KBTBD7: variants seen among roughly 807,000 people sequenced by gnomAD.
KBTBD7 encodes the protein kelch repeat and BTB domain-containing protein 7.
A neutral mutation model predicts 50.3 loss-of-function variants in KBTBD7; 25 were observed. That is an observed-to-expected ratio of 0.50 (90% CI 0.36 to 0.69). The LOEUF is 0.69. Ranked by LOEUF, KBTBD7 falls within the 30% of genes least tolerant of loss-of-function variation. The pLI, the probability that KBTBD7 is intolerant of heterozygous loss-of-function variation, is 0.00. For missense variants in KBTBD7, 653 were observed against 869.5 expected (o/e 0.75, Z 3.13); for synonymous variants, 305 against 325.3 (o/e 0.94, Z 0.67).
chr13:41,191,809 G>A lies in KBTBD7; in HGVS notation c.*394C>T, dbSNP rs73176992. 9 of 157,394 alleles carry A rather than the reference G, an allele frequency of 5.7e-5. No homozygotes were observed. Among genetic ancestry groups the A allele is most frequent in the Non-Finnish European group, 1.3e-4 (9 of 71,888 alleles). 9.7% of individuals were successfully genotyped at this position (157,394 alleles called of 1,614,324 possible). The stretch of plus-strand genomic sequence containing the variant: ...AACCCCGCTAACAATTCCTAGTTCA[G>A]TTTTCTATTATACAAATCAAAAAGT... On this transcript the variant is annotated 3_prime_UTR_variant, in exon 1 of 1. Coordinates refer to ENST00000379483, the MANE Select transcript of KBTBD7 (RefSeq NM_032138.7).
At position 41,194,400 on chromosome 13, in the gene KBTBD7, T is replaced by G; in HGVS notation, c.-143A>C. The G allele has an allele frequency of 8.9e-7, 1 of 1,125,820 alleles. No homozygotes were observed. Among genetic ancestry groups the G allele is most frequent in the Non-Finnish European group, 1.2e-6 (1 of 800,856 alleles). 69.7% of individuals were successfully genotyped at this position (1,125,820 alleles called of 1,614,324 possible). ...CGGGCCGCACTTCTGAATTCAGCCC[T>G]ATCCCGCGGTGAGGCCTCCCTTTAT... On this transcript the variant is annotated 5_prime_UTR_variant, in exon 1 of 1. Coordinates refer to ENST00000379483, the MANE Select transcript of KBTBD7 (RefSeq NM_032138.7).
rs1378508418 is a variant in KBTBD7, at chr13:41,191,845, G to A, written c.*358C>T. 5 of 171,648 alleles carry A rather than the reference G, an allele frequency of 2.9e-5. No homozygotes were observed. The highest frequency in any genetic ancestry group is 1.2e-4 in the African/African-American group (5 of 41,992). The allele number at this position is 171,648 out of a possible 1,614,324, so 10.6% of individuals were successfully genotyped here. A position where few individuals can be genotyped will look rare whatever the true frequency, so the allele number is the denominator to read the frequency against. ...TACAAATCAAAAAGTTAAATTCCTT[G>A]TGGCACTAACCAAAACTTAAAAATT... On this transcript the variant is annotated 3_prime_UTR_variant, in exon 1 of 1. Transcript: ENST00000379483.
At position 41,189,904 on chromosome 13, in the gene KBTBD7, A is replaced by G. The variant is rs1407383242; in HGVS notation, c.*2299T>C. The G allele has an allele frequency of 1.3e-5, 2 of 152,212 alleles. No individual in the cohort carries two copies. The highest frequency in any genetic ancestry group is 2.9e-5 in the Non-Finnish European group (2 of 68,016). 9.4% of individuals were successfully genotyped at this position (152,212 alleles called of 1,614,324 possible). A position where few individuals can be genotyped will look rare whatever the true frequency, so the allele number is the denominator to read the frequency against. ...ACTTATCTATAAAATAATGGTTAAC[A>G]TCTACTCCTTAATTCACAAATAGAT... On this transcript the variant is annotated 3_prime_UTR_variant, in exon 1 of 1. Coordinates refer to ENST00000379483, the MANE Select transcript of KBTBD7 (RefSeq NM_032138.7).
chr13:41,194,524 C>T lies in KBTBD7; in HGVS notation c.-267G>A, dbSNP rs2031484569. On this transcript the variant is annotated 5_prime_UTR_variant, in exon 1 of 1. Coordinates refer to ENST00000379483, the MANE Select transcript of KBTBD7 (RefSeq NM_032138.7). ...CCGCTGGCTTGCAGCCGCGGAAGCC[C>T]CCACTGCCGCGCTGGCGATCCCGCT... 1 of 536,418 alleles carries T rather than the reference C, an allele frequency of 1.9e-6. No homozygotes were observed. The highest frequency in any genetic ancestry group is 3.3e-5 in the Admixed American group (1 of 30,138). The allele number at this position is 536,418 out of a possible 1,614,324, so 33.2% of individuals were successfully genotyped here.
chr13:41,193,966 T>A lies in KBTBD7; in HGVS notation c.292A>T (p.Ser98Cys). 2.5e-6 allele frequency: 4 copies of A among 1,613,912 alleles called. No homozygotes were observed. Among genetic ancestry groups the A allele is most frequent in the Non-Finnish European group, 1.7e-6 (2 of 1,179,940 alleles). The change falls in exon 1 of 1, where the codon AGC (serine) becomes TGC (cysteine). Residue 98 changes from serine to cysteine, a missense_variant. Ser to Cys is a moderately radical substitution (Grantham distance 112). Coordinates refer to ENST00000379483, the MANE Select transcript of KBTBD7 (RefSeq NM_032138.7). The surrounding 1 kb of genome is among the most constrained non-coding windows in gnomAD (Gnocchi z 5.7). ...VLAAACPYFK[S>C]MFTGGMYESQ... ...TCGTACATGCCACCTGTGAACATGC[T>A]CTTGAAGTAGGGACACGCAGCTGCT...
chr13:41,193,997 G>A lies in KBTBD7; in HGVS notation c.261C>T (p.Asn87=), dbSNP rs752253001. 2.0e-5 allele frequency: 33 copies of A among 1,614,102 alleles called. No homozygotes were observed. The highest frequency in any genetic ancestry group is 3.3e-5 in the South Asian group (3 of 91,088). Residue 87 remains asparagine (N), a synonymous_variant, in exon 1 of 1, where the codon AAC becomes AAT. Coordinates refer to ENST00000379483, the MANE Select transcript of KBTBD7 (RefSeq NM_032138.7). The surrounding 1 kb of genome is among the most constrained non-coding windows in gnomAD (Gnocchi z 5.7). ...AGTAGGGACACGCAGCTGCTAGCACGTTGCGATTGCAGGAAAAGAGGCGAC... is the reference window on the plus strand; with the variant it reads ...AGTAGGGACACGCAGCTGCTAGCACATTGCGATTGCAGGAAAAGAGGCGAC... ...GTGRLFSCNR[N]VLAAACPYFK...
Position 41,192,962 on chromosome 13 carries a change from A to G in KBTBD7, c.1296T>C (p.Tyr432=). The part of the protein sequence containing the change: ...LLCREGMDVA[Y]LNGYIYILGG... ...CCAAAATGTAGATGTAGCCATTGAGATATGCCACATCCATGCCCTCACGAC... is the reference window on the plus strand; with the variant it reads ...CCAAAATGTAGATGTAGCCATTGAGGTATGCCACATCCATGCCCTCACGAC... The change falls in exon 1 of 1, where the codon TAT becomes TAC. Residue 432 remains tyrosine (Y), a synonymous_variant. Transcript: ENST00000379483. 2 of 1,614,138 alleles carry G rather than the reference A, an allele frequency of 1.2e-6. No individual in the cohort carries two copies. Among genetic ancestry groups the G allele is most frequent in the Non-Finnish European group, 1.7e-6 (2 of 1,180,050 alleles).
Position 41,194,436 on chromosome 13 carries a change from G to A in KBTBD7, c.-179C>T. On this transcript the variant is annotated 5_prime_UTR_variant, in exon 1 of 1. Coordinates refer to ENST00000379483, the MANE Select transcript of KBTBD7 (RefSeq NM_032138.7). ...GAGGCCTCCCTTTATTGCATAGACA[G>A]TGGCTGACTCACCCTCTCTCACTCC... The A allele has an allele frequency of 1.3e-6, 1 of 778,908 alleles. No individual in the cohort carries two copies. Among genetic ancestry groups the A allele is most frequent in the Non-Finnish European group, 2.0e-6 (1 of 489,240 alleles). 48.2% of individuals were successfully genotyped at this position (778,908 alleles called of 1,614,324 possible).
rs1410165361 is a variant in KBTBD7, at chr13:41,190,505, A to C, written c.*1698T>G. 1 of 152,178 alleles carries C rather than the reference A, an allele frequency of 6.6e-6. No individual in the cohort carries two copies. 9.4% of individuals were successfully genotyped at this position (152,178 alleles called of 1,614,324 possible). On this transcript the variant is annotated 3_prime_UTR_variant, in exon 1 of 1. Coordinates refer to ENST00000379483, the MANE Select transcript of KBTBD7 (RefSeq NM_032138.7). ...CTCCTCTGTCCTCTGCCAGGGTATA[A>C]GAAAAGTTAGCATTCTGTCACTATA...
rs2031454712 is a variant in KBTBD7 at position 41,193,693 on chromosome 13, G to A, written c.565C>T (p.Arg189Ter). The A allele has an allele frequency of 6.2e-7, 1 of 1,614,208 alleles. No individual in the cohort carries two copies. Among genetic ancestry groups the A allele is most frequent in the Non-Finnish European group, 8.5e-7 (1 of 1,180,036 alleles). Residue 189 changes from arginine to a stop codon, truncating the protein, a stop_gained, in exon 1 of 1, where the codon CGA (arginine) becomes TGA (stop). Coordinates refer to ENST00000379483, the MANE Select transcript of KBTBD7 (RefSeq NM_032138.7). LOFTEE classifies it high-confidence loss of function. The surrounding 1 kb of genome is among the most constrained non-coding windows in gnomAD (Gnocchi z 5.7). ...GCTATGTAGGACTGGGCCTGAGATCGAAGCTTGTGATGGTCGAAGGCGTCT... is the reference window on the plus strand; with the variant it reads ...GCTATGTAGGACTGGGCCTGAGATCAAAGCTTGTGATGGTCGAAGGCGTCT... ...FADAFDHHKLRSQAQSYIAHN... is the reference protein window; with the variant it reads ...FADAFDHHKL
rs2031452442 is a variant in KBTBD7, at chr13:41,193,622, C to T, written c.636G>A (p.Glu212=). ...QLSRMGSIRE[E]TLADLTLAQL... ...GGGCCAGGGTTAGATCTGCTAGAGT[C>T]TCCTCCCGAATTGAACCCATTCGGC... Residue 212 remains glutamate, a synonymous_variant, in exon 1 of 1, where the codon GAG becomes GAA. Transcript: ENST00000379483. This position sits in a 1 kb window ranked among gnomAD's most constrained non-coding sequence, Gnocchi z 5.7. The T allele has an allele frequency of 6.2e-7, 1 of 1,614,200 alleles. No individual in the cohort carries two copies. Among genetic ancestry groups the T allele is most frequent in the African/African-American group, 1.3e-5 (1 of 75,048 alleles).
In KBTBD7 at chr13:41,190,305, T is replaced by C. The variant is rs573862776; in HGVS notation, c.*1898A>G. 5.9e-5 allele frequency: 9 copies of C among 152,326 alleles called. No individual in the cohort carries two copies. Among genetic ancestry groups the C allele is most frequent in the African/African-American group, 9.6e-5 (4 of 41,588 alleles). The allele number at this position is 152,326 out of a possible 1,614,324, so 9.4% of individuals were successfully genotyped here. A position where few individuals can be genotyped will look rare whatever the true frequency, so the allele number is the denominator to read the frequency against. ...GCATGTTTACCCTTTTGAAGAAACA[T>C]GTATTGCTAGGTCAGCCATCCTACT... On this transcript the variant is annotated 3_prime_UTR_variant, in exon 1 of 1. Transcript: ENST00000379483.
chr13:41,192,688 C>G lies in KBTBD7; in HGVS notation c.1570G>C (p.Glu524Gln). 6.2e-7 allele frequency: 1 copy of G among 1,614,168 alleles called. No homozygotes were observed. The highest frequency in any genetic ancestry group is 2.2e-5 in the East Asian group (1 of 44,882). ...DFQEACVFND[E>Q]IYCICDIPVM... Reference sequence around the variant, plus strand: ...GGGATGTCACAGATACAATAGATTTCATCATTGAAGACACATGCTTCCTGA... The same window carrying G: ...GGGATGTCACAGATACAATAGATTTGATCATTGAAGACACATGCTTCCTGA... Residue 524 changes from glutamate to glutamine, a missense_variant, in exon 1 of 1, where the codon GAA becomes CAA. Physicochemically the swap from Glu to Gln is conservative, Grantham distance 29 (BLOSUM62 2). Coordinates refer to ENST00000379483, the MANE Select transcript of KBTBD7 (RefSeq NM_032138.7).
At position 41,193,654 on chromosome 13, in the gene KBTBD7, G is replaced by C; in HGVS notation, c.604C>G (p.Gln202Glu). The change falls in exon 1 of 1, where the codon CAG (glutamine) becomes GAG (glutamate). Residue 202 changes from glutamine to glutamate, a missense_variant. Coordinates refer to ENST00000379483, the MANE Select transcript of KBTBD7 (RefSeq NM_032138.7). The surrounding 1 kb of genome is among the most constrained non-coding windows in gnomAD (Gnocchi z 5.7). ...AQSYIAHNFK[Q>E]LSRMGSIREE... ...CGAATTGAACCCATTCGGCTGAGCT[G>C]CTTGAAGTTGTGAGCTATGTAGGAC... 1 of 1,614,204 alleles carries C rather than the reference G, an allele frequency of 6.2e-7. No individual in the cohort carries two copies. The highest frequency in any genetic ancestry group is 2.2e-5 in the East Asian group (1 of 44,876).
rs751610200 is a variant in KBTBD7 at position 41,192,458 on chromosome 13, G to A, written c.1800C>T (p.Thr600=). ...TREDQWINIG[T]MLGLLQFDSG... ...AGTCAAACTGCAAAAGGCCTAACAT[G>A]GTACCTATATTAATCCACTGATCTT... Residue 600 remains threonine, a synonymous_variant, in exon 1 of 1, where the codon ACC becomes ACT. Coordinates refer to ENST00000379483, the MANE Select transcript of KBTBD7 (RefSeq NM_032138.7). 1.3e-5 allele frequency: 21 copies of A among 1,614,004 alleles called. No individual in the cohort carries two copies. In the East Asian group the frequency reaches 2.7e-4, roughly 21 times the overall value.
chr13:41,190,925 T>C lies in KBTBD7; in HGVS notation c.*1278A>G, dbSNP rs1354233117. 2 of 152,164 alleles carry C rather than the reference T, an allele frequency of 1.3e-5. No individual in the cohort carries two copies. Among genetic ancestry groups the C allele is most frequent in the African/African-American group, 4.8e-5 (2 of 41,456 alleles). 9.4% of individuals were successfully genotyped at this position (152,164 alleles called of 1,614,324 possible). ...AAATCCCATCATCCACTTAGGTTCT[T>C]CAATGTCAACTTTTAATACAAAAAT... On this transcript the variant is annotated 3_prime_UTR_variant, in exon 1 of 1. Transcript: ENST00000379483.
At position 41,192,718 on chromosome 13, in the gene KBTBD7, C is replaced by A; in HGVS notation, c.1540G>T (p.Asp514Tyr). The stretch of plus-strand genomic sequence containing the variant: ...TTGAAGACACATGCTTCCTGAAAGT[C>A]ACTACGTTTAAGAGAAGCACAGTTC... ...WLNCASLKRS[D>Y]FQEACVFNDE... The change falls in exon 1 of 1, where the codon GAC (aspartate) becomes TAC (tyrosine). Residue 514 changes from aspartate (D) to tyrosine (Y), a missense_variant. This residue lies in a region of KBTBD7 where 526 missense variants were observed against 717.1 expected (regional missense o/e 0.73). Coordinates refer to ENST00000379483, the MANE Select transcript of KBTBD7 (RefSeq NM_032138.7). The A allele has an allele frequency of 6.2e-7, 1 of 1,614,164 alleles. No individual in the cohort carries two copies. The highest frequency in any genetic ancestry group is 1.1e-5 in the South Asian group (1 of 91,076).
chr13:41,193,735 C>T lies in KBTBD7; in HGVS notation c.523G>A (p.Ala175Thr), dbSNP rs538150416. The change falls in exon 1 of 1, where the codon GCC (alanine) becomes ACC (threonine). Residue 175 changes from alanine to threonine, a missense_variant. Physicochemically the swap from Ala to Thr is moderately conservative, Grantham distance 58. Around this residue, in one of 3 missense-constraint regions of KBTBD7, gnomAD observed 526 missense variants for 717.1 expected, o/e 0.73. Coordinates refer to ENST00000379483, the MANE Select transcript of KBTBD7 (RefSeq NM_032138.7). This position sits in a 1 kb window ranked among gnomAD's most constrained non-coding sequence, Gnocchi z 5.7. The stretch of plus-strand genomic sequence containing the variant: ...AAGGCGTCTGCAAACTTGAGGATGG[C>T]GGTGCAGTTGGTCAGGTCAAGACGT... ...ARRLDLTNCT[A>T]ILKFADAFDH... is the part of the protein sequence containing the mutation. 15 of 1,614,060 alleles carry T rather than the reference C, an allele frequency of 9.3e-6. No homozygotes were observed. The highest frequency in any genetic ancestry group is 1.2e-5 in the Non-Finnish European group (14 of 1,180,036).
Position 41,194,273 on chromosome 13 carries a change from G to T in KBTBD7, c.-16C>A. ...GGGACTGCATGGTGGAGATGGCGAC[G>T]GGCGCTGACGGCGAGAAAGGCTGCA... On this transcript the variant is annotated 5_prime_UTR_variant, in exon 1 of 1. Transcript: ENST00000379483. 6.2e-7 allele frequency: 1 copy of T among 1,607,400 alleles called. No individual in the cohort carries two copies. Among genetic ancestry groups the T allele is most frequent in the South Asian group, 1.1e-5 (1 of 90,814 alleles).
Sources: allele counts gnomAD v4.1 joint callset, GRCh38; gene constraint gnomAD v4.1.1; regional missense constraint gnomAD v4.1.1; non-coding constraint Gnocchi (gnomAD v3.1); transcripts MANE v1.5; gene names NCBI Gene and HGNC (gene_info 2026-07-23, HGNC 2026-07-21).